PALLD: variants seen among roughly 807,000 people sequenced by gnomAD.
The protein encoded by PALLD is palladin, cytoskeletal associated protein, also known as palladin.
A neutral mutation model predicts 123.5 loss-of-function variants in PALLD; 61 were observed. That is an observed-to-expected ratio of 0.49 (90% CI 0.40 to 0.61). The LOEUF (loss-of-function observed/expected upper bound fraction) is 0.61. PALLD is among the 20% of genes least tolerant of loss of function. PALLD has a pLI of 0.00. For missense variants in PALLD, 1,273 were observed against 1,377.0 expected (o/e 0.92, Z 1.20); for synonymous variants, 465 against 496.4 (o/e 0.94, Z 0.84).
intron 2 of PALLD, among the ~76,000 whole-genome samples, chr4:168,645,299 T>A (rs1490999532): frequency 6.6e-6 from 1 of 152,124 alleles, no homozygotes; most frequent in Admixed American, 6.6e-5. Context: ...CAGTACCTGA[T>A]ATGTATCAGT....
chr4:168,719,326 C>G (rs1433122132), intron 10 of PALLD, among the ~76,000 whole-genome samples: 3 of 139,306 alleles, frequency 2.2e-5, no homozygotes, highest in Non-Finnish European at 3.0e-5. Flanking sequence ...GACACAATCT[C>G]GGCTCACTGC....
intron 2 of PALLD, among the ~76,000 whole-genome samples, chr4:168,592,473 G>C (rs999043594): frequency 3.3e-5 from 5 of 152,092 alleles, no homozygotes; most frequent in Non-Finnish European, 7.4e-5. Flanking sequence ...AAAGTACCTT[G>C]GAGTGTTTTT....
intron 10 of PALLD, among the ~76,000 whole-genome samples, chr4:168,714,221 TCCA>T (rs1785120089): frequency 6.6e-6 from 1 of 152,120 alleles, no homozygotes; most frequent in African/African-American, 2.4e-5. Flanking sequence ...CTTCCCTTCT[TCCA>T]ACCCAGCCCT....
intron 2 of PALLD, chr4:168,631,716 G>A: frequency 1.0e-6 from 1 of 985,454 alleles, no homozygotes; most frequent in Non-Finnish European, 1.2e-6. Flanking sequence ...AGGACCTCTC[G>A]AGCGCAGCAG....
intron 3 of PALLD, among the ~76,000 whole-genome samples, chr4:168,670,310 CT>C (rs1390073085): frequency 1.3e-5 from 2 of 152,156 alleles, no homozygotes; most frequent in Non-Finnish European, 2.9e-5. Flanking sequence ...AGCCTGTCAA[CT>C]TAATTTAACC....
At chr4:168,510,502 C>T (rs2149423791) in intron 1 of PALLD, among the ~76,000 whole-genome samples, 1 of 152,296 alleles carries the variant, frequency 6.6e-6, no homozygotes, top group East Asian at 1.9e-4. Context: ...TGACTTTTAA[C>T]TCCTTGAACA....
chr4:168,759,192 A>ATGT (rs1732375232), intron 10 of PALLD, among the ~76,000 whole-genome samples: 3 of 36,352 alleles, frequency 8.3e-5, no homozygotes, highest in Non-Finnish European at 1.1e-4. Flanking sequence ...AAAAAAAAAA[A>ATGT]AAAAAAAAAA....
intron 2 of PALLD, among the ~76,000 whole-genome samples, chr4:168,550,451 A>C (rs1389638346): frequency 1.3e-5 from 2 of 152,184 alleles, no homozygotes; most frequent in Non-Finnish European, 2.9e-5. Flanking sequence ...AAACCCTGCA[A>C]GACTCACAGG....
At chr4:168,791,022 T>TATAAC (rs1176030233) in intron 10 of PALLD, among the ~76,000 whole-genome samples, 2 of 152,298 alleles carry the variant, frequency 1.3e-5, no homozygotes, top group East Asian at 3.9e-4. Context: ...ATCCCTATGT[T>TATAAC]ATAACAGGCA....
intron 2 of PALLD, among the ~76,000 whole-genome samples, chr4:168,536,290 T>C (rs572342870): frequency 2.0e-5 from 3 of 152,168 alleles, no homozygotes; most frequent in Non-Finnish European, 4.4e-5. Context: ...AAGGCTTTCT[T>C]CTCAGTTTGC....
At chr4:168,888,740 G>A (rs113723301) in intron 10 of PALLD, among the ~76,000 whole-genome samples, 7 of 152,130 alleles carry the variant, frequency 4.6e-5, no homozygotes, top group African/African-American at 1.2e-4. Context: ...TTAAATTGGC[G>A]TACATTAATT....
At chr4:168,535,710 T>TTCCATTTGAACACCCATTGCA (rs1765027425) in intron 2 of PALLD, among the ~76,000 whole-genome samples, 1 of 152,188 alleles carries the variant, frequency 6.6e-6, no homozygotes, top group Non-Finnish European at 1.5e-5. Context: ...GTGAGAATTG[T>TTCCATTTGAACACCCATTGCA]TCCATTTGAA....
chr4:168,699,796 A>T (rs1783499160), intron 8 of PALLD, among the ~76,000 whole-genome samples: 1 of 152,166 alleles, frequency 6.6e-6, no homozygotes, highest in Non-Finnish European at 1.5e-5. Flanking sequence ...ACAGTTTCTG[A>T]TTTAGTAATT....
rs990511613 is a variant in PALLD at position 168,869,141 on chromosome 4, C to T, written c.1965-21781C>T. On this transcript the variant is annotated intron_variant, in intron 10 of 21. Coordinates refer to ENST00000505667, the MANE Select transcript of PALLD (RefSeq NM_001166108.2). This position sits in a 1 kb window ranked among gnomAD's most constrained non-coding sequence, Gnocchi z 4.5. The stretch of plus-strand genomic sequence containing the variant: ...AGCCAGAAATATATAAGTACTGTTA[C>T]TTATAAGAGCTCTGATACATATATA... 2.6e-5 allele frequency among the ~76,000 whole-genome samples: 4 copies of T among 152,140 alleles called. No homozygotes were observed. Among genetic ancestry groups the T allele is most frequent in the African/African-American group, 7.2e-5 (3 of 41,420 alleles).
chr4:168,600,482 A>G (rs990373218), intron 2 of PALLD, among the ~76,000 whole-genome samples: 19 of 152,192 alleles, frequency 1.2e-4, no homozygotes, highest in African/African-American at 4.6e-4. Flanking sequence ...ATCTTTTTAA[A>G]GCAATAAATA....
chr4:168,514,379 A>T (rs1197394578), intron 2 of PALLD, among the ~76,000 whole-genome samples: 2 of 152,016 alleles, frequency 1.3e-5, no homozygotes, highest in Admixed American at 6.6e-5. Flanking sequence ...CAGGTGGGCG[A>T]TTTTTTTCCC....
At chr4:168,805,580 C>G (rs1283917798) in intron 10 of PALLD, among the ~76,000 whole-genome samples, 4 of 152,330 alleles carry the variant, frequency 2.6e-5, no homozygotes, top group Admixed American at 2.6e-4. Flanking sequence ...CTTCATGCCT[C>G]TGTGCGTGTG....
At chr4:168,778,807 C>T (rs1735516750) in intron 10 of PALLD, among the ~76,000 whole-genome samples, 1 of 152,216 alleles carries the variant, frequency 6.6e-6, no homozygotes, top group South Asian at 2.1e-4. Flanking sequence ...TGAACCCAAG[C>T]AGTCTTGCTC....
chr4:168,809,565 C>T (rs6855574), intron 10 of PALLD, among the ~76,000 whole-genome samples: 85,874 of 151,514 alleles, frequency 0.57, 24,964 homozygotes, highest in Non-Finnish European at 0.63. Context: ...TGTCTGTATT[C>T]AAGAACCAGA....
Sources: gnomAD v4.1 joint callset for allele counts (sites outside exome capture counted in the v4.1 genomes callset) on GRCh38, gnomAD v4.1.1 for gene constraint, Gnocchi (gnomAD v3.1) non-coding constraint, MANE v1.5 for transcripts, NCBI Gene and HGNC (gene_info 2026-07-23, HGNC 2026-07-21) for gene names.